COL22A1: variants seen among roughly 807,000 people sequenced by gnomAD.
The protein encoded by COL22A1 is collagen type XXII alpha 1 chain.
A neutral mutation model predicts 248.9 loss-of-function variants in COL22A1; 221 were observed. The ratio of observed to expected loss-of-function variants is 0.89; its 90% confidence interval spans 0.80 to 0.99. The LOEUF (loss-of-function observed/expected upper bound fraction) is 0.99, where lower values mean the gene tolerates loss of function less well. Ranked by LOEUF, COL22A1 falls within the 50% of genes least tolerant of loss-of-function variation. The probability of loss-of-function intolerance (pLI) is 0.00; values close to 1 mark genes in which losing one functional copy is unlikely to be tolerated. For synonymous variants in COL22A1, 891 were observed against 793.4 expected, an observed-to-expected ratio of 1.12 and a Z score of -2.07; for missense variants, 2,240 against 2,179.0, an observed-to-expected ratio of 1.03 and a Z score of -0.56.
At chr8:138,761,979 CAG>C (rs376752278) in intron 17 of COL22A1, among the ~76,000 whole-genome samples, 7 of 152,276 alleles carry the variant, frequency 4.6e-5, no homozygotes, top group African/African-American at 1.7e-4. Flanking sequence ...TCAGTGCATC[CAG>C]AGTTTCTTCA....
intron 12 of COL22A1, among the ~76,000 whole-genome samples, chr8:138,790,756 C>A (rs1815960329): frequency 6.6e-6 from 1 of 152,188 alleles, no homozygotes; most frequent in African/African-American, 2.4e-5. Flanking sequence ...AGGGCCCCCA[C>A]CCAATGAGAA....
intron 10 of COL22A1, among the ~76,000 whole-genome samples, chr8:138,806,325 T>C (rs1366219936): frequency 6.6e-6 from 1 of 151,444 alleles, no homozygotes; most frequent in Non-Finnish European, 1.5e-5. Flanking sequence ...GGTGTGTGTG[T>C]GTGTGTGATG....
intron 24 of COL22A1, among the ~76,000 whole-genome samples, chr8:138,725,165 C>T (rs1057286981): frequency 1.3e-5 from 2 of 152,212 alleles, no homozygotes; most frequent in Non-Finnish European, 2.9e-5. Context: ...AGGCAGCCAC[C>T]AAAGTGCCAC....
Position 138,878,173 on chromosome 8 carries a change from C to G in COL22A1, c.235G>C (p.Val79Leu), listed in dbSNP as rs201874607. Residue 79 changes from valine (V) to leucine (L), a missense_variant, in exon 3 of 65, where the codon GTC becomes CTC. Coordinates refer to ENST00000303045, the MANE Select transcript of COL22A1 (RefSeq NM_152888.3). ...EVGPDRTRVG[V>L]VRYSDRPTTA... ...GTGGGCCGGTCGCTGTAGCGCACGA[C>G]CCCCACACGGGTGCGGTCGGGGCCC... The G allele has an allele frequency of 4.4e-6, 7 of 1,604,416 alleles. No homozygotes were observed. In the East Asian group the frequency reaches 1.6e-4, roughly 36 times the overall value.
intron 33 of COL22A1, 86 bp downstream of exon 33, chr8:138,694,740 C>A: frequency 6.7e-7 from 1 of 1,499,136 alleles, no homozygotes. Context: ...GTGGAATGCA[C>A]GGTGCAGATC....
At chr8:138,782,416 C>T (rs547678977) in intron 12 of COL22A1, among the ~76,000 whole-genome samples, 1 of 152,352 alleles carries the variant, frequency 6.6e-6, no homozygotes, top group South Asian at 2.1e-4. Context: ...CAGGGTTTCA[C>T]AATGTTGCCC....
chr8:138,641,027 C>T (rs1489673540), intron 47 of COL22A1, among the ~76,000 whole-genome samples: 1 of 152,344 alleles, frequency 6.6e-6, no homozygotes, highest in East Asian at 1.9e-4. Context: ...TTCTCTGTCA[C>T]AGCATCAGGC....
chr8:138,818,691 C>T (rs1586819828), intron 7 of COL22A1, among the ~76,000 whole-genome samples: 1 of 152,190 alleles, frequency 6.6e-6, no homozygotes, highest in East Asian at 1.9e-4. Context: ...AGATTTTGGT[C>T]AGAAATGGGG....
intron 1 of COL22A1, among the ~76,000 whole-genome samples, chr8:138,887,645 C>T (rs1824763986): frequency 2.0e-5 from 3 of 152,178 alleles, no homozygotes; most frequent in Non-Finnish European, 4.4e-5. Context: ...GCAATTTCTA[C>T]TTTGGGACAT....
At chr8:138,715,830 T>C (rs1356156432) in intron 29 of COL22A1, 95 bp from the exon 30 acceptor site, 4 of 867,572 alleles carry the variant, frequency 4.6e-6, no homozygotes, top group East Asian at 2.4e-5. Flanking sequence ...TGGAAAAACA[T>C]ACATGTATAT....
chr8:138,806,073 TGATG>T (rs1563788257), intron 10 of COL22A1, among the ~76,000 whole-genome samples: 5 of 133,406 alleles, frequency 3.7e-5, no homozygotes, highest in Non-Finnish European at 6.3e-5. Flanking sequence ...GTGGTGTGTG[TGATG>T]GTGTGTGTAA....
At chr8:138,770,008 A>G (rs1834231127) in intron 16 of COL22A1, among the ~76,000 whole-genome samples, 1 of 152,062 alleles carries the variant, frequency 6.6e-6, no homozygotes, top group Non-Finnish European at 1.5e-5. Context: ...TAACTGGGAG[A>G]GGCATCACCA....
At chr8:138,852,714 C>T (rs1034516110) in intron 3 of COL22A1, among the ~76,000 whole-genome samples, 10 of 152,006 alleles carry the variant, frequency 6.6e-5, no homozygotes, top group South Asian at 2.1e-4. Context: ...GAGGAGTGGC[C>T]GGCAAAGGAG....
Position 138,829,103 on chromosome 8 carries a change from C to T in COL22A1, c.846-2322G>A, listed in dbSNP as rs546630135. Among the ~76,000 whole-genome samples the T allele has an allele frequency of 9.8e-5, 15 of 152,300 alleles. No homozygotes were observed. In the South Asian group the frequency reaches 1.5e-3, roughly 15 times the overall value. ...GGACTTTGTTTGGCTGTAGGACCTG[C>T]GAGCAAGATTCTGATTCTCAGTTTA... On this transcript the variant is annotated intron_variant, in intron 5 of 64. Coordinates refer to ENST00000303045, the MANE Select transcript of COL22A1 (RefSeq NM_152888.3).
chr8:138,882,346 CCA>C (rs550860887), intron 2 of COL22A1, among the ~76,000 whole-genome samples: 437 of 150,866 alleles, frequency 2.9e-3, no homozygotes, highest in African/African-American at 9.6e-3. Flanking sequence ...ACACACTTCC[CCA>C]CACACTCCCT....
chr8:138,777,475 C>T (rs1188827357), intron 15 of COL22A1, among the ~76,000 whole-genome samples: 1 of 152,142 alleles, frequency 6.6e-6, no homozygotes, highest in Non-Finnish European at 1.5e-5. Context: ...ATGTTTTAAG[C>T]CCTGCATGCA....
intron 23 of COL22A1, 108 bp from the exon 24 acceptor site, chr8:138,725,548 G>T: frequency 1.2e-6 from 1 of 846,166 alleles, no homozygotes; most frequent in Non-Finnish European, 1.8e-6. Flanking sequence ...GATGAGGTGG[G>T]ATTTTAACTT....
At chr8:138,839,953 A>C (rs550548668) in intron 4 of COL22A1, among the ~76,000 whole-genome samples, 1 of 152,270 alleles carries the variant, frequency 6.6e-6, no homozygotes, top group East Asian at 1.9e-4. Context: ...AGAAGTCAAA[A>C]GATTGACCCA....
intron 41 of COL22A1, among the ~76,000 whole-genome samples, chr8:138,674,137 G>C (rs1372920651): frequency 6.6e-6 from 1 of 152,086 alleles, no homozygotes; most frequent in Non-Finnish European, 1.5e-5. Flanking sequence ...CCTTGCTCTT[G>C]AATCCCCTCC....
Sources: gnomAD v4.1 joint callset for allele counts (sites outside exome capture counted in the v4.1 genomes callset) on GRCh38, gnomAD v4.1.1 for gene constraint, MANE v1.5 for transcripts, NCBI Gene and HGNC (gene_info 2026-07-23, HGNC 2026-07-21) for gene names.